SATB2: variants seen among roughly 807,000 people sequenced by gnomAD.
SATB2 encodes the protein DNA-binding protein SATB2.
In SATB2, 1 loss-of-function variant was observed where a neutral mutation model predicts 73.4. The ratio of observed to expected loss-of-function variants is 0.01; its 90% CI spans 0.00 to 0.06. The LOEUF is 0.06. SATB2 is among the 10% of genes least tolerant of loss of function. SATB2 has a pLI of 1.00. For missense variants in SATB2, 459 were observed against 945.8 expected, an observed-to-expected ratio of 0.49 and a Z score of 6.75; for synonymous variants, 397 against 367.0, an observed-to-expected ratio of 1.08 and a Z score of -0.93.
chr2:199,380,627 G>A, intron 4 of SATB2, 140 bp from the exon 5 acceptor site: 1 of 1,104,944 alleles, frequency 9.1e-7, no homozygotes. Context: ...AGTGAAGGAA[G>A]GGAAGTAAAA....
At chr2:199,469,203 T>C (rs981509271), upstream of SATB2, among the ~76,000 whole-genome samples, 14 of 152,030 alleles carry the variant, frequency 9.2e-5, no homozygotes, top group African/African-American at 2.9e-4. Flanking sequence ...GGTTAATCAT[T>C]TTGTTAACCG....
At chr2:199,388,670 C>T (rs1043535062) in intron 3 of SATB2, among the ~76,000 whole-genome samples, 2 of 151,654 alleles carry the variant, frequency 1.3e-5, no homozygotes, top group African/African-American at 4.8e-5. Context: ...AAAACTCAAC[C>T]TGAGAAAAAA....
At position 199,279,929 on chromosome 2, in the gene SATB2, T is replaced by C. The variant is rs542343176; in HGVS notation, c.1741-7257A>G. Among the ~76,000 whole-genome samples, 3 of 152,270 alleles carry C rather than the reference T, an allele frequency of 2.0e-5. No individual in the cohort carries two copies. The East Asian group carries it at 5.8e-4, about 29-fold the overall frequency. On this transcript the variant is annotated intron_variant, in intron 10 of 10. Transcript: ENST00000417098. Reference sequence around the variant, plus strand: ...GCCAAGGCGGGCGGATCACTTGAGTTCAGGAGTTCAAGACCAGCCTGGACA... The same window carrying C: ...GCCAAGGCGGGCGGATCACTTGAGTCCAGGAGTTCAAGACCAGCCTGGACA...
chr2:199,416,650 T>C (rs925110718), intron 3 of SATB2, among the ~76,000 whole-genome samples: 1 of 152,162 alleles, frequency 6.6e-6, no homozygotes, highest in East Asian at 1.9e-4. Flanking sequence ...TAAATCAGAA[T>C]AAATTAAACT....
intron 7 of SATB2, among the ~76,000 whole-genome samples, chr2:199,330,425 A>G (rs896134352): frequency 2.0e-5 from 3 of 152,204 alleles, no homozygotes; most frequent in African/African-American, 7.2e-5. Context: ...TCTAAGTAAT[A>G]CTTGGTAGAA....
chr2:199,346,126 A>T (rs182879463), intron 7 of SATB2, among the ~76,000 whole-genome samples: 159 of 152,038 alleles, frequency 1.0e-3, no homozygotes, highest in South Asian at 4.8e-3. Context: ...CCAACCATTA[A>T]CAAAAACTTA....
At chr2:199,435,977 C>T (rs1345874038) in intron 2 of SATB2, among the ~76,000 whole-genome samples, 1 of 152,084 alleles carries the variant, frequency 6.6e-6, no homozygotes, top group Non-Finnish European at 1.5e-5. Context: ...CCATATAGTC[C>T]ATGGTGCCAT....
intron 2 of SATB2, among the ~76,000 whole-genome samples, chr2:199,439,779 A>C (rs1176545148): frequency 6.6e-6 from 1 of 152,110 alleles, no homozygotes; most frequent in Non-Finnish European, 1.5e-5. Flanking sequence ...GTAACTTGCC[A>C]ACATTAACCA....
At chr2:199,386,350 G>A (rs1689931948) in intron 3 of SATB2, among the ~76,000 whole-genome samples, 1 of 152,122 alleles carries the variant, frequency 6.6e-6, no homozygotes, top group African/African-American at 2.4e-5. Flanking sequence ...CTGGACTGCA[G>A]GTGGATTAAA....
rs573221253 is a variant in SATB2, at chr2:199,439,660, C to T, written c.170-6146G>A. Among the ~76,000 whole-genome samples the T allele has an allele frequency of 2.6e-5, 4 of 152,230 alleles. No homozygotes were observed. In the South Asian group the frequency reaches 6.2e-4, roughly 24 times the overall value. ...TAAATTTACCAGAAAATCAAAACAA[C>T]GATTTACTTGTTCTATAACCTCATA... On this transcript the variant is annotated intron_variant, in intron 2 of 10. Transcript: ENST00000417098.
chr2:199,397,938 G>C (rs966315067), intron 3 of SATB2: 2 of 222,856 alleles, frequency 9.0e-6, no homozygotes, highest in Non-Finnish European at 9.5e-6. Flanking sequence ...TGGGACAAAA[G>C]AATGTTACAA....
Position 199,455,960 on chromosome 2 carries a change from A to T in SATB2, c.78T>A (p.Pro26=). The T allele has an allele frequency of 6.5e-7, 1 of 1,538,414 alleles. No individual in the cohort carries two copies. The highest frequency in any genetic ancestry group is 8.7e-7 in the Non-Finnish European group (1 of 1,147,470). The change falls in exon 2 of 11, where the codon CCT becomes CCA. Residue 26 remains proline (P), a synonymous_variant. Transcript: ENST00000417098. This position sits in a 1 kb window ranked among gnomAD's most constrained non-coding sequence, Gnocchi z 4.1. ...CCAGCCGGGCCACCTTCACTGGGGG[A>T]GGCCCCTTGACGTCCGGGCTGCCGC... ...RRSGSPDVKG[P]PPVKVARLEQ...
At chr2:199,353,374 C>T (rs1688879746) in intron 6 of SATB2, among the ~76,000 whole-genome samples, 1 of 151,852 alleles carries the variant, frequency 6.6e-6, no homozygotes, top group Non-Finnish European at 1.5e-5. Context: ...AGGTTGGTCT[C>T]CAACTCCTGA....
chr2:199,278,562 C>CAA (rs1162171772), intron 10 of SATB2, among the ~76,000 whole-genome samples: 1 of 152,174 alleles, frequency 6.6e-6, no homozygotes, highest in East Asian at 1.9e-4. Context: ...ATTCCACCAT[C>CAA]AGGGTAATGG....
intron 5 of SATB2, among the ~76,000 whole-genome samples, chr2:199,375,798 T>A (rs1689582127): frequency 6.6e-6 from 1 of 152,182 alleles, no homozygotes; most frequent in Non-Finnish European, 1.5e-5. Context: ...CTTCCTATAT[T>A]GAAAGGGTTT....
chr2:199,435,626 G>A (rs1474777529), intron 2 of SATB2, among the ~76,000 whole-genome samples: 3 of 152,158 alleles, frequency 2.0e-5, no homozygotes, highest in Non-Finnish European at 4.4e-5. Context: ...TTACAGGCAT[G>A]AGCCACCGTG....
chr2:199,333,720 A>G lies in SATB2; in HGVS notation c.1174-4810T>C, dbSNP rs112313186. 5.2e-3 allele frequency among the ~76,000 whole-genome samples: 797 copies of G among 152,302 alleles called. 4 individuals are homozygous for G. Among genetic ancestry groups the G allele is most frequent in the African/African-American group, 0.018 (751 of 41,570 alleles). Reference sequence around the variant, plus strand: ...CAGCAAACATTAACCCCCAAAATGAAGTGATATTAGATAATCTGTTCAGCC... The same window carrying G: ...CAGCAAACATTAACCCCCAAAATGAGGTGATATTAGATAATCTGTTCAGCC... On this transcript the variant is annotated intron_variant, in intron 7 of 10. Coordinates refer to ENST00000417098, the MANE Select transcript of SATB2 (RefSeq NM_001172509.2).
intron 9 of SATB2, among the ~76,000 whole-genome samples, chr2:199,311,447 G>A (rs1400917409): frequency 6.6e-6 from 1 of 152,088 alleles, no homozygotes; most frequent in African/African-American, 2.4e-5. Flanking sequence ...AGCTGCCTCA[G>A]TAATTAGCTT....
chr2:199,406,261 CAG>C (rs1012214062), intron 3 of SATB2, among the ~76,000 whole-genome samples: 1 of 152,128 alleles, frequency 6.6e-6, no homozygotes, highest in Admixed American at 6.5e-5. Flanking sequence ...AAAAACCAGG[CAG>C]AGTCTTTATA....
Sources: allele counts gnomAD v4.1 joint callset (sites outside exome capture counted in the v4.1 genomes callset), GRCh38; gene constraint gnomAD v4.1.1; non-coding constraint Gnocchi (gnomAD v3.1); transcripts MANE v1.5; gene names NCBI Gene and HGNC (gene_info 2026-07-23, HGNC 2026-07-21).